CTNNA2: variants seen among roughly 807,000 people sequenced by gnomAD.
The protein encoded by CTNNA2 is catenin alpha 2.
Under a neutral mutation model 101.0 loss-of-function variants are expected in CTNNA2, and 42 were observed. The observed-to-expected ratio is 0.42, with a 90% CI of 0.32 to 0.54. CTNNA2 has a LOEUF of 0.54. Ranked by LOEUF, CTNNA2 falls within the 20% of genes least tolerant of loss-of-function variation. The pLI, the probability that CTNNA2 is intolerant of heterozygous loss-of-function variation, is 0.14. For synonymous variants in CTNNA2, 450 were observed against 456.4 expected (o/e 0.99, Z 0.18); for missense variants, 871 against 1,223.1 (o/e 0.71, Z 4.29).
chr2:80,508,938 C>G (rs185635520), intron 9 of CTNNA2, among the ~76,000 whole-genome samples: 1 of 152,122 alleles, frequency 6.6e-6, no homozygotes, highest in African/African-American at 2.4e-5. Context: ...TCTTCTTTTT[C>G]GTTTATTTGA....
At chr2:80,470,023 G>A (rs1332476324) in intron 9 of CTNNA2, among the ~76,000 whole-genome samples, 2 of 152,254 alleles carry the variant, frequency 1.3e-5, no homozygotes, top group East Asian at 3.9e-4. Flanking sequence ...TCATTCAGAG[G>A]ACTCTGCTCC....
At position 79,842,372 on chromosome 2, in the gene CTNNA2, G is replaced by A. The variant is rs1207853886; in HGVS notation, c.299-15641G>A. 2.6e-5 allele frequency among the ~76,000 whole-genome samples: 4 copies of A among 152,160 alleles called. No individual in the cohort carries two copies. In the East Asian group the frequency reaches 5.8e-4, roughly 22 times the overall value. ...CGAAATGGGAACAGTACCCCATGGAGTTTTAAATGAGTATTAAATGAGTAG... is the reference window on the plus strand; with the variant it reads ...CGAAATGGGAACAGTACCCCATGGAATTTTAAATGAGTATTAAATGAGTAG... On this transcript the variant is annotated intron_variant, in intron 3 of 18. Transcript: ENST00000402739.
intron 1 of CTNNA2, among the ~76,000 whole-genome samples, chr2:79,584,279 G>A (rs1676330727): frequency 6.6e-6 from 1 of 152,104 alleles, no homozygotes; most frequent in Non-Finnish European, 1.5e-5. Context: ...ATAAAAAGAG[G>A]TTATACAGAA....
intron 7 of CTNNA2, among the ~76,000 whole-genome samples, chr2:79,912,165 A>C (rs963215634): frequency 1.3e-5 from 2 of 152,236 alleles, no homozygotes; most frequent in African/African-American, 4.8e-5. Context: ...AAATATTTAA[A>C]AATCAGCATA....
chr2:79,283,033 T>G (rs74495917), intron 2 of CTNNA2, among the ~76,000 whole-genome samples: 14,396 of 61,996 alleles, frequency 0.23, 1,931 homozygotes, highest in African/African-American at 0.38. Flanking sequence ...TTTTCATGTG[T>G]TTTTTGGCTG....
rs527253595 is a variant in CTNNA2, at chr2:79,691,760, C to A, written c.102+40102C>A. Among the ~76,000 whole-genome samples, 3 of 152,134 alleles carry A rather than the reference C, an allele frequency of 2.0e-5. No homozygotes were observed. The East Asian group carries it at 5.8e-4, about 30-fold the overall frequency. On this transcript the variant is annotated intron_variant, in intron 2 of 18. Transcript: ENST00000402739. ...CTGATTTTGACAAACCTGAAAAAAA[C>A]AAGCAATGAGAAATGGATTCCCTAT...
intron 7 of CTNNA2, among the ~76,000 whole-genome samples, chr2:80,202,268 A>G (rs566837430): frequency 7.9e-5 from 12 of 152,342 alleles, no homozygotes; most frequent in African/African-American, 2.9e-4. Flanking sequence ...TGTATGAAAT[A>G]GGCTCCAGGA....
At chr2:79,965,760 G>T (rs1689994440) in intron 7 of CTNNA2, among the ~76,000 whole-genome samples, 1 of 144,300 alleles carries the variant, frequency 6.9e-6, no homozygotes, top group Non-Finnish European at 1.5e-5. Context: ...GGAGGCAGAG[G>T]TTGCAGTGAG....
intron 3 of CTNNA2, among the ~76,000 whole-genome samples, chr2:79,842,130 G>A (rs927194388): frequency 6.6e-6 from 1 of 152,098 alleles, no homozygotes; most frequent in African/African-American, 2.4e-5. Flanking sequence ...AAGCCACAAA[G>A]TAATTATAAA....
At chr2:79,621,223 C>T (rs1678977976) in intron 1 of CTNNA2, among the ~76,000 whole-genome samples, 1 of 152,164 alleles carries the variant, frequency 6.6e-6, no homozygotes, top group Non-Finnish European at 1.5e-5. Context: ...ACATGTTTTT[C>T]TGTGCTCCCT....
chr2:80,082,673 G>A (rs1699221941), intron 7 of CTNNA2, among the ~76,000 whole-genome samples: 1 of 152,114 alleles, frequency 6.6e-6, no homozygotes, highest in Admixed American at 6.5e-5. Context: ...TCTCCAAACA[G>A]GAAGAAAAAA....
intron 13 of CTNNA2, among the ~76,000 whole-genome samples, chr2:80,579,763 G>A (rs1011692792): frequency 6.6e-6 from 1 of 152,192 alleles, no homozygotes; most frequent in South Asian, 2.1e-4. Context: ...CTATTGGCAC[G>A]AAGGACCCCA....
intron 1 of CTNNA2, among the ~76,000 whole-genome samples, chr2:79,582,357 C>G (rs1435425230): frequency 6.6e-6 from 1 of 152,090 alleles, no homozygotes; most frequent in Non-Finnish European, 1.5e-5. Context: ...TATCTGGATC[C>G]TTTTTAGTAA....
At chr2:80,289,076 T>A (rs1043788868) in intron 7 of CTNNA2, 2 of 152,218 alleles carry the variant, frequency 1.3e-5, no homozygotes, top group Non-Finnish European at 2.9e-5. Context: ...CGAGATGGAT[T>A]TCTTTCCCAC....
intron 11 of CTNNA2, among the ~76,000 whole-genome samples, chr2:80,548,575 G>T (rs991660831): frequency 1.3e-5 from 2 of 152,092 alleles, no homozygotes; most frequent in Non-Finnish European, 2.9e-5. Context: ...ATAACACTGT[G>T]CAGTCCAACC....
chr2:80,255,085 C>T lies in CTNNA2; in HGVS notation c.1057-138126C>T, dbSNP rs62141562. On this transcript the variant is annotated intron_variant, in intron 7 of 18. Transcript: ENST00000402739. Reference sequence around the variant, plus strand: ...GGAGTCCCAGAAATGCATGTCTCTTCCACATGTTACCCACCAGCCTTCCTG... The same window carrying T: ...GGAGTCCCAGAAATGCATGTCTCTTTCACATGTTACCCACCAGCCTTCCTG... Among the ~76,000 whole-genome samples the T allele has an allele frequency of 1.6e-3, 239 of 152,246 alleles. 1 individual carries two copies. The highest frequency in any genetic ancestry group is 2.5e-3 in the Non-Finnish European group (173 of 68,004).
chr2:79,752,524 A>G (rs1185233338), intron 3 of CTNNA2, among the ~76,000 whole-genome samples: 1 of 152,230 alleles, frequency 6.6e-6, no homozygotes, highest in Non-Finnish European at 1.5e-5. Context: ...AACAGAAAAG[A>G]TGTTGAAATA....
intron 3 of CTNNA2, among the ~76,000 whole-genome samples, chr2:79,831,684 C>T (rs1200650959): frequency 6.7e-6 from 1 of 150,088 alleles, no homozygotes; most frequent in Non-Finnish European, 1.5e-5. Flanking sequence ...TTTCCAATTC[C>T]CGCTGTCATT....
In CTNNA2 at chr2:79,671,030, G is replaced by A. The variant is rs75091560; in HGVS notation, c.102+19372G>A. Among the ~76,000 whole-genome samples the A allele has an allele frequency of 3.4e-3, 523 of 152,288 alleles. 9 individuals are homozygous for A. The East Asian group carries it at 0.047, about 14-fold the overall frequency. On this transcript the variant is annotated intron_variant, in intron 2 of 18. Transcript: ENST00000402739. ...TCTTTCTTCCTCACACCTCTAAGAA[G>A]CAAGAATGCGACTGTTAACTGCCTA...
Sources: gnomAD v4.1 joint callset for allele counts (sites outside exome capture counted in the v4.1 genomes callset) on GRCh38, gnomAD v4.1.1 for gene constraint, MANE v1.5 for transcripts, NCBI Gene and HGNC (gene_info 2026-07-23, HGNC 2026-07-21) for gene names.